CYP4X1: variants seen among roughly 807,000 people sequenced by gnomAD.
The protein encoded by CYP4X1 is cytochrome P450 4X1.
Under a neutral mutation model 57.9 loss-of-function variants are expected in CYP4X1, and 44 were observed. The observed-to-expected ratio is 0.76, with a 90% confidence interval of 0.60 to 0.98. The LOEUF is 0.98. Ranked by LOEUF, CYP4X1 falls within the 50% of genes least tolerant of loss-of-function variation. The probability of loss-of-function intolerance (pLI) is 0.00; values close to 1 mark genes in which losing one functional copy is unlikely to be tolerated. For synonymous variants in CYP4X1, 227 were observed against 228.6 expected, an observed-to-expected ratio of 0.99 and a Z score of 0.06; for missense variants, 532 against 623.9, an observed-to-expected ratio of 0.85 and a Z score of 1.57.
intron 8 of CYP4X1, chr1:47,039,811 T>G (rs1195539556): frequency 9.7e-6 from 2 of 206,092 alleles, no homozygotes; most frequent in African/African-American, 4.6e-5. Flanking sequence ...TTGGCTCTGA[T>G]GCATTGGAAA....
the CYP4X1 span, among the ~76,000 whole-genome samples, chr1:46,974,936 G>T: frequency 6.6e-6 from 1 of 151,778 alleles, no homozygotes. Context: ...AATATTTATG[G>T]GTAGATAGTA....
chr1:47,032,537 T>C (rs1644135780), intron 3 of CYP4X1, among the ~76,000 whole-genome samples: 1 of 152,244 alleles, frequency 6.6e-6, no homozygotes, highest in Non-Finnish European at 1.5e-5. Context: ...GTTGTAAGCA[T>C]TCAATGAATG....
At chr1:47,039,769 G>A (rs1179604006) in intron 8 of CYP4X1, 1 of 320,902 alleles carries the variant, frequency 3.1e-6, no homozygotes, top group Admixed American at 4.8e-5. Flanking sequence ...CTAATCAATG[G>A]TGTGTGAAAT....
At chr1:47,053,449 T>G (rs34704832), downstream of CYP4X1, among the ~76,000 whole-genome samples, 24 of 151,880 alleles carry the variant, frequency 1.6e-4, no homozygotes, top group African/African-American at 2.7e-4. Context: ...GGGATGGCTG[T>G]GTCAAATGGT....
At chr1:46,975,202 A>C in the CYP4X1 span, among the ~76,000 whole-genome samples, 1 of 152,044 alleles carries the variant, frequency 6.6e-6, no homozygotes, top group Non-Finnish European at 1.5e-5. Flanking sequence ...TGTGCCTTTG[A>C]TCCTGTCATC....
chr1:46,972,907 T>C, the CYP4X1 span, among the ~76,000 whole-genome samples: 1 of 152,110 alleles, frequency 6.6e-6, no homozygotes, highest in Non-Finnish European at 1.5e-5. Flanking sequence ...TTTTCCAATT[T>C]GGATGCCTTT....
chr1:46,964,742 G>C, the CYP4X1 span, among the ~76,000 whole-genome samples: 1 of 152,218 alleles, frequency 6.6e-6, no homozygotes, highest in Admixed American at 6.5e-5. Flanking sequence ...TGCATGCTGG[G>C]AGAACCACTA....
At chr1:46,974,518 C>T in the CYP4X1 span, among the ~76,000 whole-genome samples, 1 of 152,130 alleles carries the variant, frequency 6.6e-6, no homozygotes, top group Non-Finnish European at 1.5e-5. Context: ...CCAATATCGG[C>T]AGTGGGGTGT....
intron 6 of CYP4X1, among the ~76,000 whole-genome samples, chr1:47,038,087 A>G (rs1644204983): frequency 6.6e-6 from 1 of 152,170 alleles, no homozygotes; most frequent in Non-Finnish European, 1.5e-5. Flanking sequence ...GCTTTTTTCA[A>G]CATTAATAGA....
the CYP4X1 span, among the ~76,000 whole-genome samples, chr1:46,969,760 A>T: frequency 1.8e-4 from 27 of 152,190 alleles, no homozygotes; most frequent in Admixed American, 1.8e-3. Flanking sequence ...GCATATCCTA[A>T]AAAGGCCTTT....
intron 4 of CYP4X1, among the ~76,000 whole-genome samples, chr1:47,033,828 C>T (rs1175921059): frequency 6.6e-6 from 1 of 152,208 alleles, no homozygotes; most frequent in Non-Finnish European, 1.5e-5. Flanking sequence ...TGCCATTACC[C>T]TCCAGACCCA....
At chr1:46,984,359 C>A in the CYP4X1 span, among the ~76,000 whole-genome samples, 1 of 139,496 alleles carries the variant, frequency 7.2e-6, no homozygotes, top group Non-Finnish European at 1.5e-5. Context: ...GTGTTTAACT[C>A]CTCCCTGCTC....
downstream of CYP4X1, among the ~76,000 whole-genome samples, chr1:47,053,765 G>A (rs1644374099): frequency 1.3e-5 from 2 of 152,128 alleles, no homozygotes; most frequent in Admixed American, 1.3e-4. Flanking sequence ...TGATGGGGTT[G>A]TTTGTTTTTT....
At chr1:46,972,029 T>C in the CYP4X1 span, among the ~76,000 whole-genome samples, 1 of 152,204 alleles carries the variant, frequency 6.6e-6, no homozygotes, top group Admixed American at 6.5e-5. Flanking sequence ...GCCAAAATGG[T>C]ATTATATTCT....
chr1:47,051,646 TA>T (rs986999038), downstream of CYP4X1, among the ~76,000 whole-genome samples: 1 of 151,804 alleles, frequency 6.6e-6, no homozygotes, highest in East Asian at 1.9e-4. Flanking sequence ...AATCTATATA[TA>T]AAAAAATCCC....
the CYP4X1 span, among the ~76,000 whole-genome samples, chr1:46,990,433 C>T: frequency 6.6e-6 from 1 of 152,102 alleles, no homozygotes; most frequent in African/African-American, 2.4e-5. Context: ...GAAATAGGAA[C>T]GCTTTTACAT....
the CYP4X1 span, among the ~76,000 whole-genome samples, chr1:46,998,201 C>T: frequency 6.6e-6 from 1 of 151,876 alleles, no homozygotes; most frequent in African/African-American, 2.4e-5. Context: ...TAGTCTTGTT[C>T]TGTCATCCAG....
At chr1:47,049,924 A>T in intron 11 of CYP4X1, 76 bp from the exon 12 acceptor site, 1 of 1,424,164 alleles carries the variant, frequency 7.0e-7, no homozygotes, top group African/African-American at 1.4e-5. Context: ...CTTCAGACTT[A>T]TTGTACTAGT....
chr1:46,987,772 T>G, the CYP4X1 span, among the ~76,000 whole-genome samples: 1 of 152,176 alleles, frequency 6.6e-6, no homozygotes, highest in Admixed American at 6.5e-5. Flanking sequence ...AAAAAACTGC[T>G]CCTGAATGAC....
Sources: gnomAD v4.1 joint callset for allele counts (sites outside exome capture counted in the v4.1 genomes callset) on GRCh38, gnomAD v4.1.1 for gene constraint, MANE v1.5 for transcripts, NCBI Gene and HGNC (gene_info 2026-07-23, HGNC 2026-07-21) for gene names.